Variants in ABTB2 observed in about 807,000 individuals in gnomAD.
The protein encoded by ABTB2 is ankyrin repeat and BTB/POZ domain-containing protein 2.
A neutral mutation model predicts 104.1 loss-of-function variants in ABTB2; 56 were observed. That is an observed-to-expected ratio of 0.54 (90% confidence interval 0.43 to 0.67). The LOEUF (loss-of-function observed/expected upper bound fraction) is 0.67. Among genes scored for constraint, ABTB2 ranks in the 30% least tolerant of loss-of-function variants. The probability of loss-of-function intolerance (pLI) is 0.00; values close to 1 mark genes in which losing one functional copy is unlikely to be tolerated. For synonymous variants in ABTB2, 606 were observed against 608.2 expected (o/e 1.00, Z 0.05); for missense variants, 1,279 against 1,407.7 (o/e 0.91, Z 1.46).
At chr11:34,328,946 GAA>G (rs1299317709) in intron 1 of ABTB2, among the ~76,000 whole-genome samples, 1 of 152,158 alleles carries the variant, frequency 6.6e-6, no homozygotes, top group East Asian at 1.9e-4. Context: ...CCAAACAGTT[GAA>G]CTAAAACTTC....
At chr11:34,354,502 T>TG (rs1234796886) in intron 1 of ABTB2, among the ~76,000 whole-genome samples, 4 of 3,606 alleles carry the variant, frequency 1.1e-3, no homozygotes, top group East Asian at 8.5e-3. Flanking sequence ...GGGGTGGGGG[T>TG]GGGGGGGTAG....
rs370115271 is a variant in ABTB2 at position 34,154,203 on chromosome 11, C to T, written c.2880+62G>A. On this transcript the variant is annotated intron_variant, in intron 16 of 16. Coordinates refer to ENST00000435224, the MANE Select transcript of ABTB2 (RefSeq NM_145804.3). The surrounding 1 kb of genome is among the most constrained non-coding windows in gnomAD (Gnocchi z 4.9). ...CTCATCCCCAGTGCAGCCACACGGC[C>T]GAGGCCCCCGTGGAGCAGAGCATGT... 2.9e-5 allele frequency: 39 copies of T among 1,351,120 alleles called. No individual in the cohort carries two copies. The highest frequency in any genetic ancestry group is 2.0e-4 in the Admixed American group (11 of 56,284). The allele number at this position is 1,351,120 out of a possible 1,614,324, so 83.7% of individuals were successfully genotyped here.
At chr11:34,230,813 A>G (rs1265987046) in intron 1 of ABTB2, among the ~76,000 whole-genome samples, 8 of 152,160 alleles carry the variant, frequency 5.3e-5, no homozygotes, top group Non-Finnish European at 1.2e-4. Flanking sequence ...TTCTTTCAAA[A>G]GGAATGTCCC....
At chr11:34,160,467 CTT>C in intron 11 of ABTB2, 114 bp from the exon 12 acceptor site, 1 of 722,154 alleles carries the variant, frequency 1.4e-6, no homozygotes. Context: ...CAGCCGCTAT[CTT>C]TTGTTCCTGC....
intron 1 of ABTB2, among the ~76,000 whole-genome samples, chr11:34,236,044 G>T (rs932794703): frequency 1.5e-4 from 23 of 152,314 alleles, no homozygotes; most frequent in African/African-American, 5.5e-4. Context: ...GACAGACATC[G>T]TGGACATCGG....
At chr11:34,177,263 A>C (rs548151109) in intron 3 of ABTB2, among the ~76,000 whole-genome samples, 2 of 152,302 alleles carry the variant, frequency 1.3e-5, no homozygotes, top group East Asian at 3.9e-4. Flanking sequence ...CCCCTGCCTC[A>C]TGCTCCTTAG....
intron 16 of ABTB2, among the ~76,000 whole-genome samples, chr11:34,152,954 C>T (rs987745726): frequency 1.2e-4 from 19 of 152,204 alleles, no homozygotes; most frequent in African/African-American, 4.3e-4. Flanking sequence ...TCACTCAACA[C>T]ATATCAAGGG....
At chr11:34,332,199 A>G (rs188798122) in intron 1 of ABTB2, among the ~76,000 whole-genome samples, 2 of 152,344 alleles carry the variant, frequency 1.3e-5, no homozygotes, top group East Asian at 3.9e-4. Context: ...TAAAGGAGGC[A>G]TCTGTAAATG....
intron 10 of ABTB2, among the ~76,000 whole-genome samples, chr11:34,161,775 C>T (rs534563276): frequency 3.3e-5 from 5 of 152,306 alleles, no homozygotes; most frequent in Admixed American, 6.5e-5. Context: ...CTTACCCCAA[C>T]CTCACTGTGG....
chr11:34,269,338 A>T (rs1395313750), intron 1 of ABTB2, among the ~76,000 whole-genome samples: 1 of 152,216 alleles, frequency 6.6e-6, no homozygotes, highest in African/African-American at 2.4e-5. Context: ...TGGTCACAGC[A>T]GATTTGCTTC....
At chr11:34,193,976 G>T (rs1034447450) in intron 3 of ABTB2, among the ~76,000 whole-genome samples, 8 of 152,200 alleles carry the variant, frequency 5.3e-5, no homozygotes, top group Admixed American at 3.3e-4. Flanking sequence ...AAGATGTGAA[G>T]TCCCCACCAA....
chr11:34,340,567 A>T (rs1479352372), intron 1 of ABTB2, among the ~76,000 whole-genome samples: 1 of 152,178 alleles, frequency 6.6e-6, no homozygotes, highest in Non-Finnish European at 1.5e-5. Flanking sequence ...TCTACAGCTC[A>T]AGAGAGGACT....
chr11:34,291,309 T>A (rs773217012), intron 1 of ABTB2, among the ~76,000 whole-genome samples: 2 of 152,208 alleles, frequency 1.3e-5, no homozygotes, highest in African/African-American at 2.4e-5. Context: ...CCCACTGGGA[T>A]GAAGGGGTCT....
Position 34,165,259 on chromosome 11 carries a change from C to A in ABTB2, c.1852+1G>T, listed in dbSNP as rs1361059162. Reference sequence around the variant, plus strand: ...AGAGCCTCCGGGTAGCAGGTGCCTACCTGCCGCAGAGGCCAGCTGCAGGGG... The same window carrying A: ...AGAGCCTCCGGGTAGCAGGTGCCTAACTGCCGCAGAGGCCAGCTGCAGGGG... On this transcript the variant is annotated splice_donor_variant, in intron 8 of 16. Transcript: ENST00000435224. LOFTEE classifies it high-confidence loss of function. 6.5e-7 allele frequency: 1 copy of A among 1,548,368 alleles called. No individual in the cohort carries two copies. The highest frequency in any genetic ancestry group is 1.4e-5 in the African/African-American group (1 of 73,150).
intron 2 of ABTB2, among the ~76,000 whole-genome samples, chr11:34,202,637 C>G (rs796880326): frequency 2.0e-5 from 3 of 151,956 alleles, no homozygotes; most frequent in Non-Finnish European, 4.4e-5. Context: ...GTGAGGAGTT[C>G]GAGACCAGCC....
chr11:34,280,201 C>T (rs1348153098), intron 1 of ABTB2, among the ~76,000 whole-genome samples: 1 of 152,114 alleles, frequency 6.6e-6, no homozygotes, highest in East Asian at 1.9e-4. Flanking sequence ...GTCACACAAG[C>T]AGGAAGAATG....
chr11:34,320,066 T>G (rs964846648), intron 1 of ABTB2, among the ~76,000 whole-genome samples: 2 of 152,156 alleles, frequency 1.3e-5, no homozygotes, highest in African/African-American at 4.8e-5. Context: ...AGAGAGCAGG[T>G]GTATTAAAAT....
intron 3 of ABTB2, among the ~76,000 whole-genome samples, chr11:34,185,156 G>T (rs749526909): frequency 6.6e-6 from 1 of 152,254 alleles, no homozygotes; most frequent in Non-Finnish European, 1.5e-5. Context: ...GCAGAAAGAT[G>T]ACCCATTCAG....
At position 34,250,001 on chromosome 11, in the gene ABTB2, G is replaced by T. The variant is rs149927685; in HGVS notation, c.884-45311C>A. Reference sequence around the variant, plus strand: ...CTATAAAAGCATCCCTGGGGATCTGGTGACACCTTGAGCTGGTCCTGGAAG... The same window carrying T: ...CTATAAAAGCATCCCTGGGGATCTGTTGACACCTTGAGCTGGTCCTGGAAG... On this transcript the variant is annotated intron_variant, in intron 1 of 16. Coordinates refer to ENST00000435224, the MANE Select transcript of ABTB2 (RefSeq NM_145804.3). Among the ~76,000 whole-genome samples the T allele has an allele frequency of 2.6e-5, 4 of 152,306 alleles. No homozygotes were observed. In the East Asian group the frequency reaches 7.7e-4, roughly 29 times the overall value.
Sources: gnomAD v4.1 joint callset for allele counts (sites outside exome capture counted in the v4.1 genomes callset) on GRCh38, gnomAD v4.1.1 for gene constraint, Gnocchi (gnomAD v3.1) non-coding constraint, MANE v1.5 for transcripts, NCBI Gene and HGNC (gene_info 2026-07-23, HGNC 2026-07-21) for gene names.